THAP8: variants seen among roughly 807,000 people sequenced by gnomAD.
The protein encoded by THAP8 is THAP domain-containing protein 8.
In THAP8, 24 loss-of-function variants were observed where a neutral mutation model predicts 25.0. The ratio of observed to expected loss-of-function variants is 0.96; its 90% confidence interval spans 0.69 to 1.35. The LOEUF is 1.35. THAP8 is among the 40% of genes most tolerant of loss of function. THAP8 has a pLI of 0.00. For synonymous variants in THAP8, 169 were observed against 157.6 expected, an observed-to-expected ratio of 1.07 and a Z score of -0.54; for missense variants, 399 against 368.8, an observed-to-expected ratio of 1.08 and a Z score of -0.67.
intron 3 of THAP8, among the ~76,000 whole-genome samples, chr19:36,037,243 T>TACAC (rs67358015): frequency 0.023 from 2,610 of 114,118 alleles, 77 homozygotes; most frequent in East Asian, 0.06. Context: ...CTTCCTCCCC[T>TACAC]ACACACACAC....
chr19:36,048,870 A>AC (rs1365545411), intron 1 of THAP8, among the ~76,000 whole-genome samples: 1 of 148,626 alleles, frequency 6.7e-6, no homozygotes, highest in African/African-American at 2.5e-5. Context: ...AAAAACAAAA[A>AC]ACACCTTTGT....
chr19:36,039,353 C>T lies in THAP8; in HGVS notation c.642G>A (p.Leu214=). 2 of 1,530,152 alleles carry T rather than the reference C, an allele frequency of 1.3e-6. No homozygotes were observed. Among genetic ancestry groups the T allele is most frequent in the Non-Finnish European group, 8.7e-7 (1 of 1,143,382 alleles). The allele number at this position is 1,530,152 out of a possible 1,614,324, so 94.8% of individuals were successfully genotyped here. A position where few individuals can be genotyped will look rare whatever the true frequency, so the allele number is the denominator to read the frequency against. ...LAQQLHGESL[L]ARARRGLQRL... ...GCTGCAGACCCCGGCGTGCCCGTGCCAGCAGGCTCTCCCCGTGTAGCTGCT... is the reference window on the plus strand; with the variant it reads ...GCTGCAGACCCCGGCGTGCCCGTGCTAGCAGGCTCTCCCCGTGTAGCTGCT... Residue 214 remains leucine, a synonymous_variant, in exon 3 of 4, where the codon CTG becomes CTA. Transcript: ENST00000292894.
intron 3 of THAP8, among the ~76,000 whole-genome samples, chr19:36,036,295 A>ATTTT (rs1245858015): frequency 1.1e-4 from 5 of 46,818 alleles, no homozygotes; most frequent in African/African-American, 5.2e-4. Context: ...TTTTTTTTTG[A>ATTTT]GACAGAGTCT....
chr19:36,041,143 T>C (rs1969678776), intron 1 of THAP8, among the ~76,000 whole-genome samples: 2 of 147,040 alleles, frequency 1.4e-5, no homozygotes, highest in African/African-American at 5.1e-5. Flanking sequence ...AGACCTCGAC[T>C]CTACAAAAAA....
intron 3 of THAP8, among the ~76,000 whole-genome samples, chr19:36,038,877 T>C (rs1176148818): frequency 1.3e-5 from 2 of 151,852 alleles, no homozygotes; most frequent in Non-Finnish European, 2.9e-5. Flanking sequence ...ATTAACCCTG[T>C]AGCTCCAGCT....
chr19:36,050,005 G>C (rs1970007256), intron 1 of THAP8, among the ~76,000 whole-genome samples: 1 of 141,768 alleles, frequency 7.1e-6, no homozygotes, highest in African/African-American at 2.7e-5. Flanking sequence ...AGTGAGCCGA[G>C]ATCATACCAC....
At chr19:36,039,743 G>A (rs1809518816) in intron 2 of THAP8, 25 bp from the exon 3 acceptor site, 1 of 1,492,534 alleles carries the variant, frequency 6.7e-7, no homozygotes, top group African/African-American at 1.4e-5. Context: ...ATGGGGTGCA[G>A]GGGTGCCGTG....
intron 1 of THAP8, among the ~76,000 whole-genome samples, chr19:36,045,242 C>G (rs1969838120): frequency 6.6e-6 from 1 of 151,662 alleles, no homozygotes; most frequent in African/African-American, 2.4e-5. Flanking sequence ...CGCCCGCCAC[C>G]ACGTCCGGCT....
Position 36,054,205 on chromosome 19 carries a change from A to T in THAP8, c.13T>A (p.Cys5Ser), listed in dbSNP as rs1330079156. ...GTGTTGGAGCAGTTCGGCGCCCTGC[A>T]GTACTTGGGCATGGCTATCCAGCCC... Reference protein sequence around the residue: MPKYCRAPNCSNTAG... With the variant: MPKYSRAPNCSNTAG... Residue 5 changes from cysteine (C) to serine (S), a missense_variant, in exon 1 of 4, where the codon TGC becomes AGC. By Grantham distance (112) the Cys-to-Ser change is moderately radical. Transcript: ENST00000292894. 1.2e-6 allele frequency: 2 copies of T among 1,613,740 alleles called. No individual in the cohort carries two copies. Among genetic ancestry groups the T allele is most frequent in the South Asian group, 2.2e-5 (2 of 91,000 alleles).
intron 1 of THAP8, among the ~76,000 whole-genome samples, chr19:36,043,943 G>A (rs2145443145): frequency 6.6e-6 from 1 of 152,234 alleles, no homozygotes; most frequent in Middle Eastern, 3.4e-3. Flanking sequence ...CTCAGTGGTT[G>A]TGGGTGAGGA....
At chr19:36,048,864 A>G (rs889927760) in intron 1 of THAP8, among the ~76,000 whole-genome samples, 2 of 147,446 alleles carry the variant, frequency 1.4e-5, no homozygotes, top group African/African-American at 5.1e-5. Flanking sequence ...AAACAAAAAA[A>G]CAAAAAACAC....
intron 1 of THAP8, among the ~76,000 whole-genome samples, chr19:36,051,688 G>C (rs1349037903): frequency 6.6e-6 from 1 of 152,162 alleles, no homozygotes; most frequent in Non-Finnish European, 1.5e-5. Flanking sequence ...GACCACCAGG[G>C]ACAAACCTGT....
At chr19:36,046,206 T>C (rs62109742) in intron 1 of THAP8, among the ~76,000 whole-genome samples, 21,095 of 152,036 alleles carry the variant, frequency 0.14, 1,802 homozygotes, top group Middle Eastern at 0.25. Context: ...AAAGTGGCAG[T>C]TCCCCTCTTG....
At chr19:36,045,929 T>G (rs1323241062) in intron 1 of THAP8, 1 of 455,730 alleles carries the variant, frequency 2.2e-6, no homozygotes, top group African/African-American at 2.0e-5. Flanking sequence ...TTGTCTTGTT[T>G]TAAGCCACCA....
rs1599717300 is a variant in THAP8 at position 36,040,031 on chromosome 19, T to G, written c.189A>C (p.Thr63=). ...CCCAGCGCCACTGGAAGCAGGAGGG[T>G]GTGAAGTGCTCGCTGCACAAGTGCT... ...CHQHLCSEHF[T]PSCFQWRWGV... is the part of the protein sequence containing the mutation. Residue 63 remains threonine, a synonymous_variant, in exon 2 of 4, where the codon ACA becomes ACC. Coordinates refer to ENST00000292894, the MANE Select transcript of THAP8 (RefSeq NM_152658.3). 1 of 1,613,568 alleles carries G rather than the reference T, an allele frequency of 6.2e-7. No individual in the cohort carries two copies. Among genetic ancestry groups the G allele is most frequent in the Non-Finnish European group, 8.5e-7 (1 of 1,179,908 alleles).
At chr19:36,044,480 C>CTTTCT (rs969352490) in intron 1 of THAP8, among the ~76,000 whole-genome samples, 1 of 150,208 alleles carries the variant, frequency 6.7e-6, no homozygotes, top group Non-Finnish European at 1.5e-5. Flanking sequence ...GGCCTGCTCT[C>CTTTCT]TTTCTTTTCT....
chr19:36,047,667 C>A (rs1181916521), intron 1 of THAP8, among the ~76,000 whole-genome samples: 6 of 152,170 alleles, frequency 3.9e-5, no homozygotes. Flanking sequence ...ACTAAAAATA[C>A]AAAAATTAGC....
At position 36,035,596 on chromosome 19, in the gene THAP8, A is replaced by G; in HGVS notation, c.673-4T>C. The G allele has an allele frequency of 6.2e-7, 1 of 1,612,138 alleles. No homozygotes were observed. The highest frequency in any genetic ancestry group is 1.1e-5 in the South Asian group (1 of 90,992). The stretch of plus-strand genomic sequence containing the variant: ...GTCCAAGGGTCTGGGCTGTTGTCTA[A>G]GGCAAAGAAGTGGTAGAGATGGGGA... On this transcript the variant is annotated splice_polypyrimidine_tract_variant and splice_region_variant and intron_variant, in intron 3 of 3. Transcript: ENST00000292894.
Position 36,039,642 on chromosome 19 carries a change from T to C in THAP8, c.353A>G (p.Gln118Arg). Residue 118 changes from glutamine to arginine, a missense_variant, in exon 3 of 4, where the codon CAG (glutamine) becomes CGG (arginine). Coordinates refer to ENST00000292894, the MANE Select transcript of THAP8 (RefSeq NM_152658.3). ...GCCAGAGACTGGGATGGCAGGGCTCTGGGGCAGGGGTGTATTCTTCTGTAG... is the reference window on the plus strand; with the variant it reads ...GCCAGAGACTGGGATGGCAGGGCTCCGGGGCAGGGGTGTATTCTTCTGTAG... ...PPLQKNTPLP[Q>R]SPAIPVSGPV... is the part of the protein sequence containing the mutation. 6.6e-7 allele frequency: 1 copy of C among 1,513,048 alleles called. No individual in the cohort carries two copies. The allele number at this position is 1,513,048 out of a possible 1,614,324, so 93.7% of individuals were successfully genotyped here. A position where few individuals can be genotyped will look rare whatever the true frequency, so the allele number is the denominator to read the frequency against.
Sources: gnomAD v4.1 joint callset for allele counts (sites outside exome capture counted in the v4.1 genomes callset) on GRCh38, gnomAD v4.1.1 for gene constraint, MANE v1.5 for transcripts, NCBI Gene and HGNC (gene_info 2026-07-23, HGNC 2026-07-21) for gene names.